Variants in PHACTR2 observed in about 807,000 individuals in gnomAD.
PHACTR2 encodes the protein phosphatase and actin regulator 2.
Under a neutral mutation model 76.0 loss-of-function variants are expected in PHACTR2, and 30 were observed. That is an observed-to-expected ratio of 0.39 (90% CI 0.30 to 0.54). The LOEUF (loss-of-function observed/expected upper bound fraction) is 0.54, where lower values mean the gene tolerates loss of function less well. Ranked by LOEUF, PHACTR2 falls within the 20% of genes least tolerant of loss-of-function variation. The pLI, the probability that PHACTR2 is intolerant of heterozygous loss-of-function variation, is 0.61. For synonymous variants in PHACTR2, 292 were observed against 292.5 expected (o/e 1.00, Z 0.02); for missense variants, 696 against 781.1 (o/e 0.89, Z 1.30).
intron 2 of PHACTR2, among the ~76,000 whole-genome samples, chr6:143,717,467 ATG>A (rs112066071): frequency 4.6e-5 from 7 of 152,250 alleles, no homozygotes; most frequent in African/African-American, 1.4e-4. Flanking sequence ...TAGGTTCTTT[ATG>A]TAATAACATA....
At chr6:143,740,817 T>C (rs1169296653) in intron 2 of PHACTR2, among the ~76,000 whole-genome samples, 1 of 152,200 alleles carries the variant, frequency 6.6e-6, no homozygotes, top group Non-Finnish European at 1.5e-5. Flanking sequence ...TCTTTACAAT[T>C]ATGAACTCAG....
At position 143,765,134 on chromosome 6, in the gene PHACTR2, CT is replaced by C. The variant is rs1474727640; in HGVS notation, c.695-125del. ...TATTATCATGATTAGCCTATTTTCT[CT>C]TATACATTTATTCAACAAACTTTAA... is the stretch of plus-strand genomic sequence containing the variant. On this transcript the variant is annotated intron_variant, in intron 5 of 12. Coordinates refer to ENST00000440869, the MANE Select transcript of PHACTR2 (RefSeq NM_001100164.2). The surrounding 1 kb of genome is among the most constrained non-coding windows in gnomAD (Gnocchi z 4.1). 3 of 735,172 alleles carry C rather than the reference CT, an allele frequency of 4.1e-6. No individual in the cohort carries two copies. Among genetic ancestry groups the C allele is most frequent in the Non-Finnish European group, 6.7e-6 (3 of 448,794 alleles). 45.5% of individuals were successfully genotyped at this position (735,172 alleles called of 1,614,324 possible). A position where few individuals can be genotyped will look rare whatever the true frequency, so the allele number is the denominator to read the frequency against.
At position 143,752,822 on chromosome 6, in the gene PHACTR2, T is replaced by G. The variant is rs1008106227; in HGVS notation, c.296-932T>G. 4.6e-5 allele frequency among the ~76,000 whole-genome samples: 7 copies of G among 152,192 alleles called. No individual in the cohort carries two copies. In the East Asian group the frequency reaches 1.3e-3, roughly 29 times the overall value. ...TTTAAGTTTGCTCAAACCTTCCATT[T>G]GTTAATTTTTCTTTTACAATGCTAG... On this transcript the variant is annotated intron_variant, in intron 3 of 12. Coordinates refer to ENST00000440869, the MANE Select transcript of PHACTR2 (RefSeq NM_001100164.2).
At chr6:143,628,924 GATATATAT>G (rs71024862) in intron 1 of PHACTR2, among the ~76,000 whole-genome samples, 389 of 33,688 alleles carry the variant, frequency 0.012, 3 homozygotes, top group Admixed American at 0.017. Flanking sequence ...AAATGCAGGA[GATATATAT>G]ATATATATAT....
At chr6:143,746,787 A>T (rs2235995) in intron 2 of PHACTR2, among the ~76,000 whole-genome samples, 42,123 of 151,712 alleles carry the variant, frequency 0.28, 6,681 homozygotes, top group East Asian at 0.36. Context: ...ACAAATTGAA[A>T]CTGTATTTAA....
At chr6:143,613,032 G>C (rs1776004112) in intron 1 of PHACTR2, among the ~76,000 whole-genome samples, 1 of 152,122 alleles carries the variant, frequency 6.6e-6, no homozygotes. Context: ...CCGGGAGTGC[G>C]GTGGCGCAAT....
In PHACTR2 at chr6:143,739,834, A is replaced by C. The variant is rs1345260772; in HGVS notation, c.215-9151A>C. Among the ~76,000 whole-genome samples, 1 of 152,132 alleles carries C rather than the reference A, an allele frequency of 6.6e-6. No homozygotes were observed. Among genetic ancestry groups the C allele is most frequent in the Non-Finnish European group, 1.5e-5 (1 of 68,032 alleles). ...TCTGCTGTTTGCGCAGGTCTAAGACAATCACCTCTTCCCTCCTCCCACCTC... is the reference window on the plus strand; with the variant it reads ...TCTGCTGTTTGCGCAGGTCTAAGACCATCACCTCTTCCCTCCTCCCACCTC... On this transcript the variant is annotated intron_variant, in intron 2 of 12. Coordinates refer to ENST00000440869, the MANE Select transcript of PHACTR2 (RefSeq NM_001100164.2). This position sits in a 1 kb window ranked among gnomAD's most constrained non-coding sequence, Gnocchi z 4.3.
intron 3 of PHACTR2, among the ~76,000 whole-genome samples, chr6:143,749,537 T>C (rs1488441398): frequency 6.6e-6 from 1 of 152,226 alleles, no homozygotes; most frequent in African/African-American, 2.4e-5. Flanking sequence ...CACTGAAATG[T>C]ACAATCAATA....
intron 1 of PHACTR2, among the ~76,000 whole-genome samples, chr6:143,643,708 T>C (rs1490189933): frequency 6.6e-6 from 1 of 152,234 alleles, no homozygotes; most frequent in Admixed American, 6.5e-5. Context: ...ATTTCTGCTT[T>C]TGCTTACCAT....
intron 1 of PHACTR2, among the ~76,000 whole-genome samples, chr6:143,666,964 C>G (rs1777048476): frequency 6.6e-6 from 1 of 152,174 alleles, no homozygotes; most frequent in Non-Finnish European, 1.5e-5. Context: ...TGCCTATGTC[C>G]TGAATGGTAT....
rs1256424585 is a variant in PHACTR2 at position 143,698,397 on chromosome 6, T to G, written c.47-13619T>G. On this transcript the variant is annotated intron_variant, in intron 1 of 12. Transcript: ENST00000440869. The surrounding 1 kb of genome is among the most constrained non-coding windows in gnomAD (Gnocchi z 4.3). ...TTTAAAAAGCAACTAGTGGAATTGTTTCTCTCAAGAGAATTAGGTGTACAA... is the reference window on the plus strand; with the variant it reads ...TTTAAAAAGCAACTAGTGGAATTGTGTCTCTCAAGAGAATTAGGTGTACAA... Among the ~76,000 whole-genome samples the G allele has an allele frequency of 6.6e-6, 1 of 152,254 alleles. No individual in the cohort carries two copies. Among genetic ancestry groups the G allele is most frequent in the Non-Finnish European group, 1.5e-5 (1 of 68,050 alleles).
chr6:143,684,692 A>G lies in PHACTR2; in HGVS notation c.46+6483A>G, dbSNP rs1412012914. On this transcript the variant is annotated intron_variant, in intron 1 of 12. Transcript: ENST00000440869. This position sits in a 1 kb window ranked among gnomAD's most constrained non-coding sequence, Gnocchi z 4.3. ...GTCACTCTTAGCCCATAGCCTCGTG[A>G]GAATTAGAAGTCACTTCCTCTGGGT... Among the ~76,000 whole-genome samples, 1 of 152,224 alleles carries G rather than the reference A, an allele frequency of 6.6e-6. No individual in the cohort carries two copies. The highest frequency in any genetic ancestry group is 1.5e-5 in the Non-Finnish European group (1 of 68,042).
In PHACTR2 at chr6:143,546,851, C is replaced by A. The variant is rs1382574734; in HGVS notation, c.217+9644C>A. ...GACAAGCCTGGGCAACATAGTGAGA[C>A]CCCATCTCAAAAAAAAAAAAAATAA... On this transcript the variant is annotated intron_variant, in intron 1 of 11. Coordinates refer to the PHACTR2 transcript ENST00000367584. The surrounding 1 kb of genome is among the most constrained non-coding windows in gnomAD (Gnocchi z 4.9). Among the ~76,000 whole-genome samples, 1 of 132,064 alleles carries A rather than the reference C, an allele frequency of 7.6e-6. No individual in the cohort carries two copies. Among genetic ancestry groups the A allele is most frequent in the South Asian group, 2.5e-4 (1 of 4,046 alleles). The allele number at this position is 132,064 out of a possible 152,430, so 86.6% of individuals were successfully genotyped here.
intron 1 of PHACTR2, among the ~76,000 whole-genome samples, chr6:143,632,579 G>T (rs1776381381): frequency 1.3e-5 from 2 of 152,190 alleles, no homozygotes; most frequent in African/African-American, 4.8e-5. Context: ...TAGAATCAAT[G>T]AAACTACATT....
rs1775698733 is a variant in PHACTR2, at chr6:143,592,138, T to G, written c.217+54931T>G. On this transcript the variant is annotated intron_variant, in intron 1 of 11. Coordinates refer to the PHACTR2 transcript ENST00000367584. This position sits in a 1 kb window ranked among gnomAD's most constrained non-coding sequence, Gnocchi z 4.0. ...AGTGCCACCATGTTCCAGATCATTA[T>G]GAAGGTGTATTGGTTAAGGCTGGAG... Among the ~76,000 whole-genome samples, 1 of 152,214 alleles carries G rather than the reference T, an allele frequency of 6.6e-6. No individual in the cohort carries two copies. Among genetic ancestry groups the G allele is most frequent in the African/African-American group, 2.4e-5 (1 of 41,450 alleles).
In PHACTR2 at chr6:143,585,133, C is replaced by G. The variant is rs958338447; in HGVS notation, c.217+47926C>G. 6.6e-6 allele frequency among the ~76,000 whole-genome samples: 1 copy of G among 152,044 alleles called. No individual in the cohort carries two copies. Among genetic ancestry groups the G allele is most frequent in the Non-Finnish European group, 1.5e-5 (1 of 68,016 alleles). On this transcript the variant is annotated intron_variant, in intron 1 of 11. Transcript: ENST00000367584. The surrounding 1 kb of genome is among the most constrained non-coding windows in gnomAD (Gnocchi z 5.2). Reference sequence around the variant, plus strand: ...CAAGGCCTGGCAGTAGACCCGTACACCAAGGGGGACCAGTGGAAGAGTCTA... The same window carrying G: ...CAAGGCCTGGCAGTAGACCCGTACAGCAAGGGGGACCAGTGGAAGAGTCTA...
At chr6:143,711,096 G>A (rs373039424) in intron 1 of PHACTR2, 3 of 512,754 alleles carry the variant, frequency 5.9e-6, no homozygotes, top group African/African-American at 3.9e-5. Flanking sequence ...TGAGTTTTGG[G>A]TAATCCAACC....
In PHACTR2 at chr6:143,583,784, A is replaced by C. The variant is rs933067880; in HGVS notation, c.217+46577A>C. On this transcript the variant is annotated intron_variant, in intron 1 of 11. Transcript: ENST00000367584. The surrounding 1 kb of genome is among the most constrained non-coding windows in gnomAD (Gnocchi z 4.0). The stretch of plus-strand genomic sequence containing the variant: ...GTTGATTGGTTGATTCATTGTTTGG[A>C]AAATACCTGGACTACTATAATAGGT... 7.9e-5 allele frequency among the ~76,000 whole-genome samples: 12 copies of C among 152,242 alleles called. No individual in the cohort carries two copies. Among genetic ancestry groups the C allele is most frequent in the Non-Finnish European group, 1.8e-4 (12 of 68,032 alleles).
intron 6 of PHACTR2, among the ~76,000 whole-genome samples, chr6:143,770,251 C>T (rs768240392): frequency 9.9e-5 from 15 of 152,118 alleles, no homozygotes; most frequent in Non-Finnish European, 1.8e-4. Context: ...ATGTTACATA[C>T]AAAAAGACAA....
Sources: gnomAD v4.1 joint callset for allele counts (sites outside exome capture counted in the v4.1 genomes callset) on GRCh38, gnomAD v4.1.1 for gene constraint, Gnocchi (gnomAD v3.1) non-coding constraint, MANE v1.5 for transcripts, NCBI Gene and HGNC (gene_info 2026-07-23, HGNC 2026-07-21) for gene names.